ADGRG6: variants seen among roughly 807,000 people sequenced by gnomAD.
ADGRG6 encodes G-protein coupled receptor 126.
A neutral mutation model predicts 142.4 loss-of-function variants in ADGRG6; 84 were observed. The ratio of observed to expected loss-of-function variants is 0.59; its 90% CI spans 0.49 to 0.71. The LOEUF (loss-of-function observed/expected upper bound fraction) is 0.71, where lower values mean the gene tolerates loss of function less well. Among genes scored for constraint, ADGRG6 ranks in the 30% least tolerant of loss-of-function variants. The pLI is 0.00. For synonymous variants in ADGRG6, 521 were observed against 520.5 expected (o/e 1.00, Z -0.01); for missense variants, 1,367 against 1,466.6 (o/e 0.93, Z 1.11).
chr6:142,341,489 T>TATAATATTATATAGTATATATACTAC (rs1562323818), intron 2 of ADGRG6, among the ~76,000 whole-genome samples: 3 of 118,296 alleles, frequency 2.5e-5, no homozygotes, highest in Non-Finnish European at 5.0e-5. Flanking sequence ...ATATATACTA[T>TATAATATTATATAGTATATATACTAC]ATAATATTAT....
intron 16 of ADGRG6, among the ~76,000 whole-genome samples, chr6:142,409,078 A>G (rs1443437802): frequency 6.6e-6 from 1 of 152,208 alleles, no homozygotes; most frequent in Non-Finnish European, 1.5e-5. Context: ...GTACAGTTCA[A>G]TAGCATTAAG....
At position 142,402,062 on chromosome 6, in the gene ADGRG6, A is replaced by C; in HGVS notation, c.1744+4A>C. ...GTTGATATCTCCAACTGTTTAAGTA[A>C]GTGAGCAGTTTTCCTTTATTTCTCA... On this transcript the variant is annotated splice_donor_region_variant and intron_variant, in intron 12 of 24. Coordinates refer to ENST00000367609, the MANE Select transcript of ADGRG6 (RefSeq NM_198569.3). 6.8e-7 allele frequency: 1 copy of C among 1,472,054 alleles called. No individual in the cohort carries two copies. The highest frequency in any genetic ancestry group is 9.4e-7 in the Non-Finnish European group (1 of 1,062,480). 91.2% of individuals were successfully genotyped at this position (1,472,054 alleles called of 1,614,324 possible).
chr6:142,393,118 A>G (rs539268888), intron 8 of ADGRG6, 118 bp downstream of exon 8: 80 of 584,584 alleles, frequency 1.4e-4, no homozygotes, highest in Non-Finnish European at 2.2e-4. Context: ...TACTATATAC[A>G]TAATCTTTCT....
chr6:142,411,623 CT>C (rs1202538603), intron 18 of ADGRG6, among the ~76,000 whole-genome samples: 2 of 152,090 alleles, frequency 1.3e-5, no homozygotes, highest in African/African-American at 4.8e-5. Context: ...AACTTTCTCC[CT>C]TTTTTTCCTG....
At chr6:142,346,527 A>G (rs940276472) in intron 2 of ADGRG6, among the ~76,000 whole-genome samples, 25 of 152,002 alleles carry the variant, frequency 1.6e-4, no homozygotes, top group African/African-American at 6.0e-4. Flanking sequence ...TTTTCTGGGT[A>G]TATACCCAAA....
At chr6:142,433,836 G>A (rs947596708) in intron 22 of ADGRG6, among the ~76,000 whole-genome samples, 1 of 152,196 alleles carries the variant, frequency 6.6e-6, no homozygotes, top group Non-Finnish European at 1.5e-5. Flanking sequence ...CAGGAGAATC[G>A]TTTGAGGCCA....
chr6:142,349,919 TTTGA>T (rs1270846875), intron 2 of ADGRG6, among the ~76,000 whole-genome samples: 1 of 152,202 alleles, frequency 6.6e-6, no homozygotes, highest in Non-Finnish European at 1.5e-5. Flanking sequence ...CTCAAAATCC[TTTGA>T]TTGTGGAGAA....
intron 16 of ADGRG6, among the ~76,000 whole-genome samples, chr6:142,409,404 T>C (rs900825982): frequency 3.3e-5 from 5 of 152,196 alleles, no homozygotes; most frequent in Admixed American, 1.3e-4. Flanking sequence ...TGTTTGTCTA[T>C]TCCTCATTGA....
intron 4 of ADGRG6, among the ~76,000 whole-genome samples, chr6:142,373,848 TG>T (rs1781366914): frequency 1.3e-5 from 2 of 148,224 alleles, no homozygotes; most frequent in African/African-American, 5.3e-5. Context: ...CCAGCACACA[TG>T]TTTTTTTAAT....
intron 5 of ADGRG6, among the ~76,000 whole-genome samples, chr6:142,383,002 G>GTT (rs34626486): frequency 1.3e-5 from 2 of 151,022 alleles, no homozygotes; most frequent in Admixed American, 6.6e-5. Flanking sequence ...TCATCAAGTA[G>GTT]TTTTTTTTTC....
At chr6:142,345,228 C>T (rs757992988) in intron 2 of ADGRG6, among the ~76,000 whole-genome samples, 5 of 151,994 alleles carry the variant, frequency 3.3e-5, no homozygotes, top group Non-Finnish European at 7.4e-5. Flanking sequence ...TCGATACAAA[C>T]ATGTAATTGT....
At chr6:142,325,343 A>G (rs547175873) in intron 2 of ADGRG6, among the ~76,000 whole-genome samples, 7 of 152,234 alleles carry the variant, frequency 4.6e-5, no homozygotes, top group Non-Finnish European at 7.4e-5. Context: ...ACCAAGCTCC[A>G]CCTTCCTATT....
At chr6:142,385,673 A>G (rs571964144) in intron 6 of ADGRG6, among the ~76,000 whole-genome samples, 2 of 152,322 alleles carry the variant, frequency 1.3e-5, no homozygotes, top group South Asian at 4.1e-4. Context: ...GCCTTCTCAC[A>G]TCTTAGCGCC....
At chr6:142,409,768 A>G in intron 16 of ADGRG6, 106 bp from the exon 17 acceptor site, 1 of 552,782 alleles carries the variant, frequency 1.8e-6, no homozygotes, top group East Asian at 3.1e-5. Flanking sequence ...GCATGTTAAT[A>G]CTAATCTATT....
At chr6:142,438,115 C>T in intron 23 of ADGRG6, 97 bp from the exon 24 acceptor site, 1 of 687,144 alleles carries the variant, frequency 1.5e-6, no homozygotes, top group Non-Finnish European at 2.4e-6. Flanking sequence ...ATCAGAAAAT[C>T]AGATGCTCCA....
At chr6:142,412,884 T>G (rs570036404) in intron 18 of ADGRG6, among the ~76,000 whole-genome samples, 2 of 152,270 alleles carry the variant, frequency 1.3e-5, no homozygotes, top group African/African-American at 4.8e-5. Context: ...GTAACAAAAT[T>G]TACTCTTCAG....
intron 2 of ADGRG6, among the ~76,000 whole-genome samples, chr6:142,347,446 T>C (rs763703874): frequency 3.2e-4 from 48 of 152,262 alleles, no homozygotes; most frequent in Non-Finnish European, 5.6e-4. Flanking sequence ...TTCACCTATG[T>C]AGAAAACCAA....
chr6:142,402,151 C>G (rs1775556803), intron 12 of ADGRG6, 93 bp downstream of exon 12: 1 of 625,856 alleles, frequency 1.6e-6, no homozygotes, highest in Non-Finnish European at 2.9e-6. Context: ...TTCTTCTGCT[C>G]TGTGATACTG....
chr6:142,400,452 A>G, intron 10 of ADGRG6, 33 bp from the exon 11 acceptor site: 1 of 1,022,290 alleles, frequency 9.8e-7, no homozygotes, highest in Non-Finnish European at 1.5e-6. Flanking sequence ...AAATAGGTGA[A>G]TATTTCTCAT....
Sources: allele counts gnomAD v4.1 joint callset (sites outside exome capture counted in the v4.1 genomes callset), GRCh38; gene constraint gnomAD v4.1.1; transcripts MANE v1.5; gene names NCBI Gene and HGNC (gene_info 2026-07-23, HGNC 2026-07-21).